The following SLC1A3 variants were observed in gnomAD, a reference collection of about 807,000 sequenced individuals.
SLC1A3 encodes the protein excitatory amino acid transporter 1.
Under a neutral mutation model 48.1 loss-of-function variants are expected in SLC1A3, and 21 were observed. The ratio of observed to expected loss-of-function variants is 0.44; its 90% CI spans 0.31 to 0.63. SLC1A3 has a LOEUF of 0.63. SLC1A3 is among the 20% of genes least tolerant of loss of function. The probability of loss-of-function intolerance (pLI) is 0.08; values close to 1 mark genes in which losing one functional copy is unlikely to be tolerated. For missense variants in SLC1A3, 546 were observed against 689.0 expected (o/e 0.79, Z 2.32); for synonymous variants, 239 against 251.4 (o/e 0.95, Z 0.47).
intron 8 of SLC1A3, among the ~76,000 whole-genome samples, chr5:36,681,981 G>A (rs1017360551): frequency 6.6e-6 from 1 of 152,090 alleles, no homozygotes; most frequent in Non-Finnish European, 1.5e-5. Flanking sequence ...AATTGCAAAC[G>A]TTTTGCCATT....
At chr5:36,685,989 C>A (rs1215508163) in intron 9 of SLC1A3, 76 bp from the exon 10 acceptor site, 1 of 1,158,166 alleles carries the variant, frequency 8.6e-7, no homozygotes, top group Non-Finnish European at 1.3e-6. Context: ...CTTCGCTGGC[C>A]AGTTCCTAAC....
At chr5:36,637,487 A>G (rs908976289) in intron 3 of SLC1A3, among the ~76,000 whole-genome samples, 1 of 152,254 alleles carries the variant, frequency 6.6e-6, no homozygotes. Context: ...GATTTTGATC[A>G]GTTCTCGTTT....
At chr5:36,644,662 A>C (rs1740764382) in intron 3 of SLC1A3, among the ~76,000 whole-genome samples, 1 of 152,230 alleles carries the variant, frequency 6.6e-6, no homozygotes, top group African/African-American at 2.4e-5. Flanking sequence ...GACTATTCTA[A>C]ATGATTATTT....
chr5:36,625,929 C>A (rs1273953385), intron 2 of SLC1A3, among the ~76,000 whole-genome samples: 1 of 152,224 alleles, frequency 6.6e-6, no homozygotes, highest in South Asian at 2.1e-4. Context: ...TAAGGAGAGA[C>A]ACACACAAAA....
chr5:36,624,031 C>T (rs1477981160), intron 2 of SLC1A3, among the ~76,000 whole-genome samples: 1 of 152,072 alleles, frequency 6.6e-6, no homozygotes, highest in Non-Finnish European at 1.5e-5. Context: ...GAACTGCCTA[C>T]CAAGATAAGC....
At chr5:36,672,990 A>G in intron 4 of SLC1A3, among the ~76,000 whole-genome samples, 1 of 152,126 alleles carries the variant, frequency 6.6e-6, no homozygotes, top group East Asian at 1.9e-4. Flanking sequence ...AGTCTGGTTG[A>G]TCCATCAGAA....
At chr5:36,663,916 C>T (rs62356360) in intron 3 of SLC1A3, among the ~76,000 whole-genome samples, 2 of 152,144 alleles carry the variant, frequency 1.3e-5, no homozygotes, top group East Asian at 1.9e-4. Context: ...CTCAAAATTC[C>T]GTGAAGTGAA....
At chr5:36,645,315 C>A (rs1740792052) in intron 3 of SLC1A3, among the ~76,000 whole-genome samples, 1 of 133,464 alleles carries the variant, frequency 7.5e-6, no homozygotes, top group Non-Finnish European at 1.6e-5. Context: ...CTGACTTCCG[C>A]TGCCTTTTTT....
intron 2 of SLC1A3, chr5:36,609,305 AG>A (rs1336555563): frequency 1.1e-6 from 1 of 907,476 alleles, no homozygotes; most frequent in Non-Finnish European, 1.3e-6. Flanking sequence ...TAAAAGTTAT[AG>A]TTTATTACTT....
intron 1 of SLC1A3, among the ~76,000 whole-genome samples, chr5:36,597,425 G>A (rs536040669): frequency 6.6e-6 from 1 of 151,588 alleles, no homozygotes; most frequent in East Asian, 2.0e-4. Context: ...TGTATTTTTA[G>A]TAGAGACGGG....
At chr5:36,681,045 T>A (rs1050399647) in intron 8 of SLC1A3, among the ~76,000 whole-genome samples, 12 of 152,208 alleles carry the variant, frequency 7.9e-5, no homozygotes, top group Non-Finnish European at 1.6e-4. Flanking sequence ...TTGGTTTTTT[T>A]AGATTATAGA....
chr5:36,670,018 G>A lies in SLC1A3; in HGVS notation c.320-1011G>A, dbSNP rs1177515711. ...TTACACTATAATTGGATTTTAGTGG[G>A]ATTGGGGAGGATAAAGAATGAAGAA... On this transcript the variant is annotated intron_variant, in intron 3 of 9. Coordinates refer to ENST00000265113, the MANE Select transcript of SLC1A3 (RefSeq NM_004172.5). 3 of 151,806 alleles carry A rather than the reference G, an allele frequency of 2.0e-5. No individual in the cohort carries two copies. In the East Asian group the frequency reaches 5.8e-4, roughly 29 times the overall value. The allele number at this position is 151,806 out of a possible 1,614,324, so 9.4% of individuals were successfully genotyped here.
chr5:36,671,401 C>T (rs1047691480), intron 4 of SLC1A3, among the ~76,000 whole-genome samples, 168 bp downstream of exon 4: 1 of 152,050 alleles, frequency 6.6e-6, no homozygotes, highest in Non-Finnish European at 1.5e-5. Context: ...AGAAAGGATC[C>T]ATTTTCTGAT....
Position 36,686,349 on chromosome 5 carries a change from C to A in SLC1A3, c.*80C>A. 9.2e-7 allele frequency: 1 copy of A among 1,086,850 alleles called. No individual in the cohort carries two copies. The highest frequency in any genetic ancestry group is 1.4e-6 in the Non-Finnish European group (1 of 703,830). 67.3% of individuals were successfully genotyped at this position (1,086,850 alleles called of 1,614,324 possible). ...TCTTTCCATCTCATTACAGCTCATTCGCTCCAGCAAGCCCGTCATCTTCCC... is the reference window on the plus strand; with the variant it reads ...TCTTTCCATCTCATTACAGCTCATTAGCTCCAGCAAGCCCGTCATCTTCCC... On this transcript the variant is annotated 3_prime_UTR_variant, in exon 10 of 10. Transcript: ENST00000265113.
intron 3 of SLC1A3, chr5:36,630,039 C>T (rs1740076745): frequency 4.3e-6 from 1 of 231,744 alleles, no homozygotes; most frequent in Non-Finnish European, 8.6e-6. Flanking sequence ...GAAGCCTCAT[C>T]AAGAGGTAAT....
At chr5:36,636,505 T>TTCTTTCTTTCTTTTTTTCTTTCTC (rs1177117898) in intron 3 of SLC1A3, 21 of 70,200 alleles carry the variant, frequency 3.0e-4, no homozygotes, top group Admixed American at 8.5e-4. Flanking sequence ...CTTTCTTTCT[T>TTCTTTCTTTCTTTTTTTCTTTCTC]TTTCTTTCTT....
chr5:36,662,941 G>A (rs955123710), intron 3 of SLC1A3, among the ~76,000 whole-genome samples: 1 of 152,236 alleles, frequency 6.6e-6, no homozygotes, highest in South Asian at 2.1e-4. Flanking sequence ...GCCAAAGGGC[G>A]CTAGAAGTTC....
intron 9 of SLC1A3, among the ~76,000 whole-genome samples, chr5:36,684,363 G>T (rs1233705776): frequency 6.6e-6 from 1 of 152,222 alleles, no homozygotes; most frequent in Admixed American, 6.5e-5. Flanking sequence ...GGCCCCACAT[G>T]CCAGCTTAGG....
chr5:36,685,150 G>GA (rs1478897593), intron 9 of SLC1A3, among the ~76,000 whole-genome samples: 1 of 152,024 alleles, frequency 6.6e-6, no homozygotes, highest in Non-Finnish European at 1.5e-5. Flanking sequence ...ATTTAAAGGT[G>GA]ATAATAATTC....
Sources: allele counts gnomAD v4.1 joint callset (sites outside exome capture counted in the v4.1 genomes callset), GRCh38; gene constraint gnomAD v4.1.1; transcripts MANE v1.5; gene names NCBI Gene and HGNC (gene_info 2026-07-23, HGNC 2026-07-21).